Variants in MCC observed in about 807,000 individuals in gnomAD.
MCC encodes the protein colorectal mutant cancer protein.
Under a neutral mutation model 116.2 loss-of-function variants are expected in MCC, and 90 were observed. The observed-to-expected ratio is 0.77, with a 90% CI of 0.65 to 0.92. The LOEUF (loss-of-function observed/expected upper bound fraction) is 0.92, where lower values mean the gene tolerates loss of function less well. MCC is among the 40% of genes least tolerant of loss of function. The pLI is 0.00. For synonymous variants in MCC, 578 were observed against 510.5 expected, an observed-to-expected ratio of 1.13 and a Z score of -1.78; for missense variants, 1,516 against 1,312.2, an observed-to-expected ratio of 1.16 and a Z score of -2.40.
intron 1 of MCC, among the ~76,000 whole-genome samples, chr5:113,469,863 C>T (rs1772030605): frequency 6.6e-6 from 1 of 152,110 alleles, no homozygotes; most frequent in Non-Finnish European, 1.5e-5. Context: ...AATCTGGGTG[C>T]TCCTGTATTG....
chr5:113,036,797 TA>T (rs1273968643), intron 17 of MCC, among the ~76,000 whole-genome samples: 3 of 152,086 alleles, frequency 2.0e-5, no homozygotes, highest in African/African-American at 7.2e-5. Flanking sequence ...AAAAGTAAAA[TA>T]AATCTCAATT....
intron 6 of MCC, among the ~76,000 whole-genome samples, chr5:113,119,403 G>A (rs1757602069): frequency 1.3e-5 from 2 of 152,190 alleles, no homozygotes; most frequent in Non-Finnish European, 2.9e-5. Flanking sequence ...GACAGCTGCC[G>A]AGGAAGGAGG....
intron 1 of MCC, chr5:113,432,688 A>T (rs17135618): frequency 2.0e-5 from 3 of 152,148 alleles, no homozygotes; most frequent in Admixed American, 6.5e-5. Flanking sequence ...CTATTGTTAC[A>T]TTGTTTCCAG....
chr5:113,256,187 G>A (rs938910644), intron 3 of MCC, among the ~76,000 whole-genome samples: 3 of 151,798 alleles, frequency 2.0e-5, no homozygotes, highest in East Asian at 1.9e-4. Flanking sequence ...CTCTTTAGTA[G>A]AGTGATTCCT....
intron 1 of MCC, among the ~76,000 whole-genome samples, chr5:113,416,138 T>C (rs567218079): frequency 4.6e-4 from 70 of 152,340 alleles, no homozygotes; most frequent in African/African-American, 1.5e-3. Context: ...GTCTTCTGCA[T>C]TGATCACGCT....
intron 3 of MCC, among the ~76,000 whole-genome samples, chr5:113,220,703 A>G (rs896141372): frequency 1.8e-4 from 27 of 152,330 alleles, no homozygotes; most frequent in Admixed American, 1.4e-3. Flanking sequence ...TATTAGTCCT[A>G]ACAAAACAGT....
Position 113,104,268 on chromosome 5 carries a change from C to T in MCC, c.1115G>A (p.Ser372Asn), listed in dbSNP as rs999651785. The T allele has an allele frequency of 1.9e-6, 3 of 1,613,972 alleles. No individual in the cohort carries two copies. The highest frequency in any genetic ancestry group is 2.5e-6 in the Non-Finnish European group (3 of 1,180,032). Reference protein sequence around the residue: ...VVCGRKKSSCSLSVAEVDKHI... With the variant: ...VVCGRKKSSCNLSVAEVDKHI... Reference sequence around the variant, plus strand: ...CTTGTCCACCTCGGCCACGGAGAGGCTGCAGCTGCTCTTCTTCCTGCCGCA... The same window carrying T: ...CTTGTCCACCTCGGCCACGGAGAGGTTGCAGCTGCTCTTCTTCCTGCCGCA... Residue 372 changes from serine (S) to asparagine (N), a missense_variant, in exon 7 of 19, where the codon AGC becomes AAC. Coordinates refer to ENST00000408903, the MANE Select transcript of MCC (RefSeq NM_001085377.2).
At chr5:113,286,472 T>G (rs1015091176) in intron 3 of MCC, among the ~76,000 whole-genome samples, 1 of 152,236 alleles carries the variant, frequency 6.6e-6, no homozygotes, top group African/African-American at 2.4e-5. Context: ...CTTTCTGTTC[T>G]CAAATAATCA....
intron 6 of MCC, among the ~76,000 whole-genome samples, chr5:113,118,747 A>G (rs77672799): frequency 0.016 from 2,456 of 152,236 alleles, 53 homozygotes; most frequent in African/African-American, 0.057. Context: ...TGTTGAAAAA[A>G]TTTAATTGGA....
intron 3 of MCC, among the ~76,000 whole-genome samples, chr5:113,293,559 G>C (rs1766592767): frequency 6.6e-6 from 1 of 152,152 alleles, no homozygotes; most frequent in African/African-American, 2.4e-5. Flanking sequence ...AGCTTTGAGG[G>C]ATGTGCCCGA....
chr5:113,343,661 T>C (rs11948437), intron 2 of MCC, among the ~76,000 whole-genome samples: 6,096 of 152,318 alleles, frequency 0.04, 406 homozygotes, highest in African/African-American at 0.14. Context: ...ACCGTGCACA[T>C]GGCCTGTGAC....
At chr5:113,258,363 C>T (rs892660079) in intron 3 of MCC, among the ~76,000 whole-genome samples, 11 of 152,350 alleles carry the variant, frequency 7.2e-5, no homozygotes, top group Non-Finnish European at 1.3e-4. Context: ...AACCCCTGGT[C>T]TATGGACCAG....
intron 3 of MCC, among the ~76,000 whole-genome samples, chr5:113,161,806 T>C (rs1208750327): frequency 1.3e-5 from 2 of 152,234 alleles, no homozygotes; most frequent in Admixed American, 1.3e-4. Flanking sequence ...TATTTAGATA[T>C]TCAATACAAT....
At chr5:113,165,677 C>T (rs1017797059) in intron 3 of MCC, among the ~76,000 whole-genome samples, 4 of 152,208 alleles carry the variant, frequency 2.6e-5, no homozygotes, top group South Asian at 2.1e-4. Context: ...TTGGGGTTTA[C>T]GTTTATTGGT....
chr5:113,384,928 C>A (rs756729847), intron 2 of MCC, 40 bp downstream of exon 2: 2 of 1,610,232 alleles, frequency 1.2e-6, no homozygotes, highest in African/African-American at 1.3e-5. Flanking sequence ...ACAGGCAAGG[C>A]CAGTGGAGTG....
chr5:113,364,260 A>AC (rs1561538952), intron 2 of MCC, among the ~76,000 whole-genome samples: 3 of 101,436 alleles, frequency 3.0e-5, no homozygotes, highest in African/African-American at 8.8e-5. Context: ...AAAAAAAAAA[A>AC]CCAGAAAAAA....
At chr5:113,097,864 T>G (rs1756125758) in intron 8 of MCC, among the ~76,000 whole-genome samples, 1 of 152,122 alleles carries the variant, frequency 6.6e-6, no homozygotes, top group Non-Finnish European at 1.5e-5. Context: ...TGTCTACTTG[T>G]CTCTTGAATT....
At chr5:113,180,026 T>G (rs1761533753) in intron 3 of MCC, among the ~76,000 whole-genome samples, 1 of 152,148 alleles carries the variant, frequency 6.6e-6, no homozygotes, top group African/African-American at 2.4e-5. Context: ...AGATTTCTAT[T>G]CTCACCCCAG....
intron 4 of MCC, among the ~76,000 whole-genome samples, chr5:113,144,570 G>C (rs905889188): frequency 5.9e-5 from 9 of 152,280 alleles, no homozygotes; most frequent in African/African-American, 1.4e-4. Flanking sequence ...ACCCAGGGCA[G>C]GGACAAAAGG....
Sources: allele counts gnomAD v4.1 joint callset (sites outside exome capture counted in the v4.1 genomes callset), GRCh38; gene constraint gnomAD v4.1.1; transcripts MANE v1.5; gene names NCBI Gene and HGNC (gene_info 2026-07-23, HGNC 2026-07-21).